Variants in GRIN2B observed in about 807,000 individuals in gnomAD.
GRIN2B encodes glutamate ionotropic receptor NMDA type subunit 2B, also known as glutamate receptor ionotropic, NMDA 2B.
A neutral mutation model predicts 114.5 loss-of-function variants in GRIN2B; 5 were observed. That is an observed-to-expected ratio of 0.04 (90% CI 0.02 to 0.09). The LOEUF is 0.09. Ranked by LOEUF, GRIN2B falls within the 10% of genes least tolerant of loss-of-function variation. The probability of loss-of-function intolerance (pLI) is 1.00; values close to 1 mark genes in which losing one functional copy is unlikely to be tolerated. For synonymous variants in GRIN2B, 787 were observed against 745.1 expected (o/e 1.06, Z -0.92); for missense variants, 1,108 against 1,943.5 (o/e 0.57, Z 8.08).
chr12:13,810,289 T>C (rs192078088), intron 3 of GRIN2B, among the ~76,000 whole-genome samples: 2 of 152,016 alleles, frequency 1.3e-5, no homozygotes, highest in East Asian at 1.9e-4. Flanking sequence ...GATCTTGGCT[T>C]ACTGCAACCT....
chr12:13,562,739 A>G lies in GRIN2B; in HGVS notation c.*44T>C. 6.6e-7 allele frequency: 1 copy of G among 1,517,934 alleles called. No homozygotes were observed. Among genetic ancestry groups the G allele is most frequent in the Non-Finnish European group, 9.2e-7 (1 of 1,092,200 alleles). 94.0% of individuals were successfully genotyped at this position (1,517,934 alleles called of 1,614,324 possible). ...GTGACATGCGCATCACGCGACCCACAGCCTTACCCTCCCGTACCCACCTTA... is the reference window on the plus strand; with the variant it reads ...GTGACATGCGCATCACGCGACCCACGGCCTTACCCTCCCGTACCCACCTTA... On this transcript the variant is annotated 3_prime_UTR_variant, in exon 14 of 14. Transcript: ENST00000609686.
At chr12:13,733,749 A>C (rs1218061511) in intron 4 of GRIN2B, among the ~76,000 whole-genome samples, 6 of 152,196 alleles carry the variant, frequency 3.9e-5, no homozygotes, top group African/African-American at 1.4e-4. Flanking sequence ...CATTGATCAC[A>C]GGGTTGGAAA....
At chr12:13,571,681 A>T in intron 11 of GRIN2B, 123 bp downstream of exon 11, 1 of 1,027,082 alleles carries the variant, frequency 9.7e-7, no homozygotes, top group Non-Finnish European at 1.5e-6. Context: ...ATAAAGAGCA[A>T]ATGAAGTCTT....
intron 4 of GRIN2B, among the ~76,000 whole-genome samples, chr12:13,733,733 C>T (rs978391105): frequency 6.6e-6 from 1 of 152,082 alleles, no homozygotes; most frequent in Non-Finnish European, 1.5e-5. Context: ...TCTCTTCAAG[C>T]CTCTTCATTG....
intron 10 of GRIN2B, among the ~76,000 whole-genome samples, chr12:13,586,299 C>CATTACTTTTAATAATTTCTTTAT (rs1363962116): frequency 1.3e-5 from 2 of 152,276 alleles, no homozygotes. Context: ...TAGAAACTGT[C>CATTACTTTTAATAATTTCTTTAT]ATTACTTTTA....
chr12:13,753,216 C>A lies in GRIN2B; in HGVS notation c.1010+101G>T. 1.2e-6 allele frequency: 1 copy of A among 818,192 alleles called. No individual in the cohort carries two copies. The highest frequency in any genetic ancestry group is 2.2e-6 in the Non-Finnish European group (1 of 459,204). The allele number at this position is 818,192 out of a possible 1,614,324, so 50.7% of individuals were successfully genotyped here. ...CCAAGGCCAGGCTTCAACCTGCTAC[C>A]GTCTTGAACTGTTCTTCCTGCAGTT... is the stretch of plus-strand genomic sequence containing the variant. On this transcript the variant is annotated intron_variant, in intron 4 of 13. Transcript: ENST00000609686. The surrounding 1 kb of genome is among the most constrained non-coding windows in gnomAD (Gnocchi z 6.2).
rs143394093 is a variant in GRIN2B at position 13,795,980 on chromosome 12, T to C, written c.412-42065A>G. Among the ~76,000 whole-genome samples the C allele has an allele frequency of 1.6e-3, 240 of 151,092 alleles. 2 individuals are homozygous for C. The highest frequency in any genetic ancestry group is 5.7e-3 in the African/African-American group (235 of 41,122). On this transcript the variant is annotated intron_variant, in intron 3 of 13. Transcript: ENST00000609686. ...ATAACATTAGGAGAAAAACCTAATG[T>C]AAATGACGAGTTAATGGGTGAAGCA...
At chr12:13,952,511 CT>C (rs1041249107) in intron 2 of GRIN2B, among the ~76,000 whole-genome samples, 10 of 152,216 alleles carry the variant, frequency 6.6e-5, no homozygotes, top group Non-Finnish European at 1.3e-4. Context: ...CATGGAACCT[CT>C]CCTCCTGTGT....
At position 13,980,318 on chromosome 12, in the gene GRIN2B, C is replaced by T. The variant is rs927232102; in HGVS notation, c.-409G>A. ...TGGAGAAGCTGGGGGCCGGCTCCGT[C>T]CCTCGGTGGAGCATGGTCATTCCCA... On this transcript the variant is annotated 5_prime_UTR_variant, in exon 2 of 14. Coordinates refer to ENST00000609686, the MANE Select transcript of GRIN2B (RefSeq NM_000834.5). 2.0e-5 allele frequency: 3 copies of T among 152,080 alleles called. No homozygotes were observed. The highest frequency in any genetic ancestry group is 2.9e-5 in the Non-Finnish European group (2 of 68,034). The allele number at this position is 152,080 out of a possible 1,614,324, so 9.4% of individuals were successfully genotyped here.
At chr12:13,741,148 G>A (rs1243610762) in intron 4 of GRIN2B, among the ~76,000 whole-genome samples, 3 of 152,120 alleles carry the variant, frequency 2.0e-5, no homozygotes, top group Non-Finnish European at 4.4e-5. Flanking sequence ...CTCTGCCTCA[G>A]CCTCCCAAGT....
intron 2 of GRIN2B, among the ~76,000 whole-genome samples, chr12:13,914,039 C>T (rs1182890069): frequency 3.3e-5 from 5 of 152,130 alleles, no homozygotes; most frequent in African/African-American, 7.2e-5. Flanking sequence ...ATCCTCATTC[C>T]ATTCATTAAG....
rs769928170 is a variant in GRIN2B at position 13,615,451 on chromosome 12, TA to T, written c.1500+41del. On this transcript the variant is annotated intron_variant, in intron 7 of 13. Coordinates refer to ENST00000609686, the MANE Select transcript of GRIN2B (RefSeq NM_000834.5). The surrounding 1 kb of genome is among the most constrained non-coding windows in gnomAD (Gnocchi z 5.8). Reference sequence around the variant, plus strand: ...AAACTTATATTTAGAAGAAGGAAAATAAATGAAAATGGAAATGGAAACAGCC... The same window carrying T: ...AAACTTATATTTAGAAGAAGGAAAATAATGAAAATGGAAATGGAAACAGCC... 6.4e-7 allele frequency: 1 copy of T among 1,556,242 alleles called. No individual in the cohort carries two copies. The highest frequency in any genetic ancestry group is 8.9e-7 in the Non-Finnish European group (1 of 1,127,214).
intron 10 of GRIN2B, among the ~76,000 whole-genome samples, chr12:13,594,219 G>A (rs1222798359): frequency 6.6e-6 from 1 of 152,152 alleles, no homozygotes; most frequent in Non-Finnish European, 1.5e-5. Context: ...AAAGACACAT[G>A]CACACCTATG....
chr12:13,812,016 A>G (rs2136684843), intron 3 of GRIN2B, among the ~76,000 whole-genome samples: 1 of 152,334 alleles, frequency 6.6e-6, no homozygotes, highest in South Asian at 2.1e-4. Context: ...TTAGATTCTC[A>G]AAGGTCTCCG....
intron 4 of GRIN2B, among the ~76,000 whole-genome samples, chr12:13,676,983 T>G (rs552839414): frequency 6.6e-6 from 1 of 152,274 alleles, no homozygotes; most frequent in Admixed American, 6.5e-5. Context: ...CCGGACACCT[T>G]CACCTCAGCC....
chr12:13,675,523 C>T (rs1358133772), intron 5 of GRIN2B, among the ~76,000 whole-genome samples: 4 of 152,094 alleles, frequency 2.6e-5, no homozygotes, highest in Non-Finnish European at 5.9e-5. Context: ...CAATTATCAA[C>T]AATAAATGGT....
intron 2 of GRIN2B, among the ~76,000 whole-genome samples, chr12:13,866,738 A>G (rs10845846): frequency 0.15 from 23,348 of 152,232 alleles, 2,305 homozygotes; most frequent in Middle Eastern, 0.22. Context: ...GTTTGCCTCA[A>G]TGAGGACAAC....
intron 5 of GRIN2B, among the ~76,000 whole-genome samples, chr12:13,623,371 G>A (rs759293626): frequency 3.9e-5 from 6 of 152,178 alleles, no homozygotes; most frequent in Non-Finnish European, 8.8e-5. Flanking sequence ...GTTCTCAATG[G>A]TGCCAGAATA....
At chr12:13,812,300 C>CA (rs551970222) in intron 3 of GRIN2B, among the ~76,000 whole-genome samples, 145 of 152,136 alleles carry the variant, frequency 9.5e-4, no homozygotes, top group Non-Finnish European at 1.6e-3. Flanking sequence ...AAATTCTTAG[C>CA]AAAATGTTGA....
Sources: allele counts gnomAD v4.1 joint callset (sites outside exome capture counted in the v4.1 genomes callset), GRCh38; gene constraint gnomAD v4.1.1; non-coding constraint Gnocchi (gnomAD v3.1); transcripts MANE v1.5; gene names NCBI Gene and HGNC (gene_info 2026-07-23, HGNC 2026-07-21).